Variants in CAPN13 observed in about 807,000 individuals in gnomAD.
CAPN13 encodes the protein calpain 13.
Under a neutral mutation model 98.4 loss-of-function variants are expected in CAPN13, and 90 were observed. The ratio of observed to expected loss-of-function variants is 0.92; its 90% CI spans 0.77 to 1.09. The LOEUF (loss-of-function observed/expected upper bound fraction) is 1.09. Ranked by LOEUF, CAPN13 falls within the 50% of genes least tolerant of loss-of-function variation. CAPN13 has a pLI of 0.00. For synonymous variants in CAPN13, 330 were observed against 305.5 expected (o/e 1.08, Z -0.84); for missense variants, 887 against 841.3 (o/e 1.05, Z -0.67).
At chr2:30,735,107 G>C (rs1360438220) in intron 18 of CAPN13, among the ~76,000 whole-genome samples, 1 of 152,228 alleles carries the variant, frequency 6.6e-6, no homozygotes, top group Non-Finnish European at 1.5e-5. Context: ...GCCCAGCACA[G>C]GGGCAGAAGG....
chr2:30,792,793 T>A (rs1674669895), intron 1 of CAPN13, among the ~76,000 whole-genome samples: 1 of 151,632 alleles, frequency 6.6e-6, no homozygotes, highest in Non-Finnish European at 1.5e-5. Flanking sequence ...TTCTCACGAA[T>A]AGAGAAGCAA....
chr2:30,779,783 AG>A (rs887141474), intron 2 of CAPN13, among the ~76,000 whole-genome samples: 7 of 152,166 alleles, frequency 4.6e-5, no homozygotes, highest in African/African-American at 1.7e-4. Context: ...ATTATATACC[AG>A]AAAAACAGCA....
chr2:30,733,496 A>T (rs1390188743), intron 19 of CAPN13, among the ~76,000 whole-genome samples: 2 of 152,094 alleles, frequency 1.3e-5, no homozygotes, highest in Non-Finnish European at 2.9e-5. Flanking sequence ...TTTCATCTTT[A>T]ATGGATTCTT....
At chr2:30,758,170 T>C (rs1234989577) in intron 7 of CAPN13, 33 bp from the exon 8 acceptor site, 2 of 1,514,642 alleles carry the variant, frequency 1.3e-6, no homozygotes, top group Admixed American at 2.0e-5. Context: ...AACTCAGTGC[T>C]CTACAGCAAA....
chr2:30,733,646 C>T (rs1343032532), intron 19 of CAPN13, among the ~76,000 whole-genome samples: 1 of 152,072 alleles, frequency 6.6e-6, no homozygotes, highest in African/African-American at 2.4e-5. Flanking sequence ...CCCAGTTCCA[C>T]ATTATGAAGC....
intron 1 of CAPN13, among the ~76,000 whole-genome samples, chr2:30,788,934 AT>A (rs1018108033): frequency 6.6e-6 from 1 of 152,240 alleles, no homozygotes; most frequent in African/African-American, 2.4e-5. Flanking sequence ...CAGAACTGCC[AT>A]TTTTGTAGGT....
intron 15 of CAPN13, among the ~76,000 whole-genome samples, chr2:30,739,668 G>A (rs1671554164): frequency 6.6e-6 from 1 of 152,178 alleles, no homozygotes; most frequent in South Asian, 2.1e-4. Flanking sequence ...CAACTTCCAT[G>A]GAATCGTCCA....
chr2:30,750,914 G>A (rs1168372812), intron 11 of CAPN13, among the ~76,000 whole-genome samples, 189 bp downstream of exon 11: 1 of 152,174 alleles, frequency 6.6e-6, no homozygotes, highest in Non-Finnish European at 1.5e-5. Flanking sequence ...TCATGATCGA[G>A]TGTCATCTTT....
At chr2:30,791,912 G>A (rs1674626718) in intron 1 of CAPN13, among the ~76,000 whole-genome samples, 1 of 152,094 alleles carries the variant, frequency 6.6e-6, no homozygotes, top group Non-Finnish European at 1.5e-5. Flanking sequence ...ATAAATAGTT[G>A]TAAGAATACA....
intron 17 of CAPN13, chr2:30,737,939 CA>C (rs1411006000): frequency 4.8e-6 from 2 of 415,926 alleles, no homozygotes; most frequent in East Asian, 4.7e-5. Flanking sequence ...TTTTTTGTAT[CA>C]GAGGGATTGC....
At chr2:30,795,232 T>C (rs1674793204) in intron 1 of CAPN13, among the ~76,000 whole-genome samples, 1 of 152,080 alleles carries the variant, frequency 6.6e-6, no homozygotes, top group Non-Finnish European at 1.5e-5. Flanking sequence ...ATAAATGTTA[T>C]TGTACGTATC....
At position 30,805,747 on chromosome 2, in the gene CAPN13, C is replaced by CTTTTTTTTTTTTTT. The variant is rs72100161; in HGVS notation, c.-33+1554_-33+1555insAAAAAAAAAAAAAA. On this transcript the variant is annotated intron_variant, in intron 1 of 22. Transcript: ENST00000295055. The stretch of plus-strand genomic sequence containing the variant: ...TGAGCCTCAGGGCCAGTAGGTTGGT[C>CTTTTTTTTTTTTTT]TTTTTTTTTTGAGACAGGGTCTTGC... Among the ~76,000 whole-genome samples the CTTTTTTTTTTTTTT allele has an allele frequency of 6.5e-3, 788 of 121,434 alleles. 34 individuals carry two copies. In the East Asian group the frequency reaches 0.071, roughly 11 times the overall value. 79.7% of individuals were successfully genotyped at this position (121,434 alleles called of 152,430 possible). A position where few individuals can be genotyped will look rare whatever the true frequency, so the allele number is the denominator to read the frequency against.
intron 18 of CAPN13, among the ~76,000 whole-genome samples, chr2:30,735,460 C>T (rs1049532716): frequency 6.6e-6 from 1 of 152,222 alleles, no homozygotes; most frequent in Non-Finnish European, 1.5e-5. Context: ...TTGGTGAGTG[C>T]AAGGACAGAC....
chr2:30,789,815 C>T (rs1042489637), intron 1 of CAPN13, among the ~76,000 whole-genome samples: 1 of 152,242 alleles, frequency 6.6e-6, no homozygotes, highest in Non-Finnish European at 1.5e-5. Flanking sequence ...AGAGGCCCAA[C>T]ACTGTCTAAG....
intron 12 of CAPN13, among the ~76,000 whole-genome samples, chr2:30,744,767 G>A (rs540040735): frequency 6.6e-6 from 1 of 152,266 alleles, no homozygotes; most frequent in Admixed American, 6.5e-5. Context: ...AGAGTATCCA[G>A]CATCAACAAA....
intron 7 of CAPN13, among the ~76,000 whole-genome samples, chr2:30,759,616 C>G (rs17041372): frequency 0.23 from 35,046 of 152,114 alleles, 4,122 homozygotes; most frequent in East Asian, 0.27. Flanking sequence ...CGCAGGTGGA[C>G]GCAGGGCTCA....
chr2:30,785,115 T>C (rs1674202708), intron 2 of CAPN13, among the ~76,000 whole-genome samples: 1 of 152,210 alleles, frequency 6.6e-6, no homozygotes. Context: ...CACATGTAGA[T>C]AGGGTCCTTC....
chr2:30,730,213 A>C (rs1427312247), intron 22 of CAPN13, among the ~76,000 whole-genome samples: 1 of 152,210 alleles, frequency 6.6e-6, no homozygotes, highest in Non-Finnish European at 1.5e-5. Flanking sequence ...TTCATGAAAA[A>C]AAATGTAGAG....
Position 30,758,142 on chromosome 2 carries a change from AAAG to A in CAPN13, c.775-8_775-6del. On this transcript the variant is annotated splice_polypyrimidine_tract_variant and splice_region_variant and intron_variant, in intron 7 of 22. Coordinates refer to ENST00000295055, the MANE Select transcript of CAPN13 (RefSeq NM_144575.3). ...CCAGCCCCTTCGGTATTGAATCTGTAAAGAAAACAGAAAAGGAAACTCAGTGCT... is the reference window on the plus strand; with the variant it reads ...CCAGCCCCTTCGGTATTGAATCTGTAAAAACAGAAAAGGAAACTCAGTGCT... The A allele has an allele frequency of 6.3e-7, 1 of 1,590,062 alleles. No homozygotes were observed. Among genetic ancestry groups the A allele is most frequent in the Non-Finnish European group, 8.6e-7 (1 of 1,168,826 alleles).
Sources: gnomAD v4.1 joint callset for allele counts (sites outside exome capture counted in the v4.1 genomes callset) on GRCh38, gnomAD v4.1.1 for gene constraint, MANE v1.5 for transcripts, NCBI Gene and HGNC (gene_info 2026-07-23, HGNC 2026-07-21) for gene names.